Variants in LIFR observed in about 807,000 individuals in gnomAD.
The protein encoded by LIFR is LIF receptor subunit alpha, also known as leukemia inhibitory factor receptor.
In LIFR, 84 loss-of-function variants were observed where a neutral mutation model predicts 122.2. The ratio of observed to expected loss-of-function variants is 0.69; its 90% CI spans 0.58 to 0.82. LIFR has a LOEUF of 0.82. Ranked by LOEUF, LIFR falls within the 40% of genes least tolerant of loss-of-function variation. The pLI, the probability that LIFR is intolerant of heterozygous loss-of-function variation, is 0.00. For synonymous variants in LIFR, 422 were observed against 434.7 expected, an observed-to-expected ratio of 0.97 and a Z score of 0.36; for missense variants, 1,294 against 1,311.6, an observed-to-expected ratio of 0.99 and a Z score of 0.21.
chr5:38,517,308 C>T (rs1176066065), intron 5 of LIFR, among the ~76,000 whole-genome samples: 6 of 152,122 alleles, frequency 3.9e-5, no homozygotes, highest in Non-Finnish European at 8.8e-5. Context: ...ATACTATTTA[C>T]TTTGCAGACC....
intron 1 of LIFR, among the ~76,000 whole-genome samples, chr5:38,554,336 G>C (rs1748400525): frequency 1.3e-5 from 2 of 152,168 alleles, no homozygotes; most frequent in Admixed American, 6.5e-5. Flanking sequence ...TGGGGAGAAG[G>C]CACACTTATT....
chr5:38,502,565 T>C (rs1745239861), intron 11 of LIFR, 72 bp downstream of exon 11: 5 of 1,353,878 alleles, frequency 3.7e-6, no homozygotes, highest in Non-Finnish European at 5.3e-6. Context: ...GGCCAACATC[T>C]TCTTTTTAAA....
intron 1 of LIFR, chr5:38,550,047 A>G (rs1037483665): frequency 6.6e-6 from 1 of 152,552 alleles, no homozygotes; most frequent in Non-Finnish European, 1.5e-5. Context: ...CACATACTTT[A>G]TCGTTTCTCC....
At chr5:38,542,013 G>T (rs1248396286) in intron 1 of LIFR, among the ~76,000 whole-genome samples, 3 of 152,130 alleles carry the variant, frequency 2.0e-5, no homozygotes, top group East Asian at 3.8e-4. Flanking sequence ...CTAAAATCGT[G>T]TCCTCCAGTG....
chr5:38,567,496 GTATTTATT>G lies in LIFR; in HGVS notation c.-20+27757_-20+27764del, dbSNP rs56285132. 9.1e-3 allele frequency among the ~76,000 whole-genome samples: 1,215 copies of G among 132,870 alleles called. 16 individuals carry two copies. Among genetic ancestry groups the G allele is most frequent in the African/African-American group, 0.028 (993 of 35,572 alleles). The allele number at this position is 132,870 out of a possible 152,430, so 87.2% of individuals were successfully genotyped here. A position where few individuals can be genotyped will look rare whatever the true frequency, so the allele number is the denominator to read the frequency against. On this transcript the variant is annotated intron_variant, in intron 1 of 19. Coordinates refer to the LIFR transcript ENST00000263409. ...TTCATTGAAGGAATATGACCATTCT[GTATTTATT>G]TATTTATTTATTTATTTATTTATTT...
In LIFR at chr5:38,480,611, A is replaced by G. The variant is rs558681338; in HGVS notation, c.*984T>C. ...TGCCTGGGTAGCCAAGCTCAACGGC[A>G]TGGTCTCCTCAGGAGGAACGAAATC... On this transcript the variant is annotated 3_prime_UTR_variant, in exon 20 of 20. Transcript: ENST00000453190. 54 of 220,428 alleles carry G rather than the reference A, an allele frequency of 2.4e-4. No homozygotes were observed. Among genetic ancestry groups the G allele is most frequent in the Non-Finnish European group, 3.7e-4 (41 of 110,034 alleles). 13.7% of individuals were successfully genotyped at this position (220,428 alleles called of 1,614,324 possible).
At chr5:38,553,168 C>T (rs1269848911) in intron 1 of LIFR, among the ~76,000 whole-genome samples, 2 of 152,172 alleles carry the variant, frequency 1.3e-5, no homozygotes, top group African/African-American at 4.8e-5. Flanking sequence ...GCTCCAGGGC[C>T]TTTGCACTTG....
At chr5:38,598,871 T>C (rs1436351988), upstream of LIFR, among the ~76,000 whole-genome samples, 1 of 152,230 alleles carries the variant, frequency 6.6e-6, no homozygotes, top group Non-Finnish European at 1.5e-5. Context: ...GCCTGGTGCA[T>C]ACTGAAACCT....
intron 4 of LIFR, among the ~76,000 whole-genome samples, chr5:38,526,677 T>G (rs1414867162): frequency 6.6e-6 from 1 of 152,158 alleles, no homozygotes; most frequent in Non-Finnish European, 1.5e-5. Context: ...GCTTTTCAAT[T>G]TTCTTATCCC....
chr5:38,533,382 A>T (rs902638897), intron 1 of LIFR, among the ~76,000 whole-genome samples: 1 of 152,198 alleles, frequency 6.6e-6, no homozygotes, highest in Non-Finnish European at 1.5e-5. Flanking sequence ...TCAATCTTAG[A>T]CCATCATAAA....
chr5:38,486,095 G>T, intron 16 of LIFR, 115 bp from the exon 17 acceptor site: 1 of 908,984 alleles, frequency 1.1e-6, no homozygotes. Context: ...GGCCATCCCA[G>T]CCAAGGACTC....
chr5:38,493,387 G>A (rs1485990264), intron 14 of LIFR, among the ~76,000 whole-genome samples: 1 of 151,892 alleles, frequency 6.6e-6, no homozygotes, highest in South Asian at 2.1e-4. Flanking sequence ...AATCTGTGTT[G>A]TTCTCTGATT....
In LIFR at chr5:38,502,617, A is replaced by C. The variant is rs952506535; in HGVS notation, c.1600+20T>G. The C allele has an allele frequency of 1.9e-6, 3 of 1,581,774 alleles. No homozygotes were observed. The highest frequency in any genetic ancestry group is 1.9e-4 in the Middle Eastern group (1 of 5,358). ...AGAATACACAGTAATTATTAGCCAT[A>C]CATCACTTAGTTAACTTACTGGCTT... On this transcript the variant is annotated intron_variant, in intron 11 of 19. Coordinates refer to ENST00000453190, the MANE Select transcript of LIFR (RefSeq NM_001127671.2).
At chr5:38,530,467 C>G in intron 2 of LIFR, 39 bp downstream of exon 2, 1 of 1,573,820 alleles carries the variant, frequency 6.4e-7, no homozygotes, top group Admixed American at 1.7e-5. Flanking sequence ...GGAAATAAAA[C>G]TGCAATCTGT....
intron 2 of LIFR, among the ~76,000 whole-genome samples, chr5:38,603,066 G>A (rs73072838): frequency 0.013 from 1,958 of 152,218 alleles, 40 homozygotes; most frequent in African/African-American, 0.043. Context: ...CCGCCCACCC[G>A]AAGGAAAGAA....
intron 1 of LIFR, among the ~76,000 whole-genome samples, chr5:38,548,995 G>A (rs1432646382): frequency 6.6e-6 from 1 of 152,008 alleles, no homozygotes; most frequent in Admixed American, 6.5e-5. Context: ...TGTGGGCACC[G>A]TGAGCTGGAT....
At chr5:38,519,403 G>C (rs1190004068) in intron 5 of LIFR, among the ~76,000 whole-genome samples, 2 of 152,128 alleles carry the variant, frequency 1.3e-5, no homozygotes, top group African/African-American at 4.8e-5. Flanking sequence ...AATGTGTAAT[G>C]ATCAAGTCAG....
In LIFR at chr5:38,577,647, C is replaced by T. The variant is rs747282329; in HGVS notation, c.-20+17614G>A. Among the ~76,000 whole-genome samples, 23 of 152,150 alleles carry T rather than the reference C, an allele frequency of 1.5e-4. 1 individual carries two copies. Among genetic ancestry groups the T allele is most frequent in the Non-Finnish European group, 3.1e-4 (21 of 68,028 alleles). On this transcript the variant is annotated intron_variant, in intron 1 of 19. Transcript: ENST00000263409. Reference sequence around the variant, plus strand: ...ACTTCATCCTCTCAAAAACCATGGACGTTTTAGCTCTGTAACCAATGTTTG... The same window carrying T: ...ACTTCATCCTCTCAAAAACCATGGATGTTTTAGCTCTGTAACCAATGTTTG...
rs1013982866 is a variant in LIFR, at chr5:38,478,891, G to C, written c.*2704C>G. 1 of 228,320 alleles carries C rather than the reference G, an allele frequency of 4.4e-6. No individual in the cohort carries two copies. Among genetic ancestry groups the C allele is most frequent in the Admixed American group, 5.7e-5 (1 of 17,630 alleles). 14.1% of individuals were successfully genotyped at this position (228,320 alleles called of 1,614,324 possible). Reference sequence around the variant, plus strand: ...TTTCCCAGTTAGTAAGGGCTGGAGAGAACACATCTAGCCTCTGCTTCTAAC... The same window carrying C: ...TTTCCCAGTTAGTAAGGGCTGGAGACAACACATCTAGCCTCTGCTTCTAAC... On this transcript the variant is annotated 3_prime_UTR_variant, in exon 20 of 20. Transcript: ENST00000453190.
Sources: gnomAD v4.1 joint callset for allele counts (sites outside exome capture counted in the v4.1 genomes callset) on GRCh38, gnomAD v4.1.1 for gene constraint, MANE v1.5 for transcripts, NCBI Gene and HGNC (gene_info 2026-07-23, HGNC 2026-07-21) for gene names.